The following ZNF286A variants were observed in gnomAD, a reference collection of about 807,000 sequenced individuals.
The protein encoded by ZNF286A is zinc finger protein 286A, also known as zinc finger protein ZNF286.
Under a neutral mutation model 49.3 loss-of-function variants are expected in ZNF286A, and 34 were observed. The ratio of observed to expected loss-of-function variants is 0.69; its 90% confidence interval spans 0.52 to 0.92. ZNF286A has a LOEUF of 0.92. ZNF286A is among the 40% of genes least tolerant of loss of function. The pLI is 0.00. For missense variants in ZNF286A, 462 were observed against 600.2 expected, an observed-to-expected ratio of 0.77 and a Z score of 2.41; for synonymous variants, 155 against 200.4, an observed-to-expected ratio of 0.77 and a Z score of 1.91.
At chr17:15,708,358 A>T (rs977778545) in intron 5 of ZNF286A, 111 bp downstream of exon 5, 28 of 738,276 alleles carry the variant, frequency 3.8e-5, no homozygotes, top group Middle Eastern at 2.6e-4. Flanking sequence ...AAATTTTTTT[A>T]AAATTCTAAA....
Position 15,719,562 on chromosome 17 carries a change from G to T in ZNF286A, c.*2272G>T, listed in dbSNP as rs545047837. ...GCACCTTTCACTGTGTCTTCACATG[G>T]TAGAAGGGGAGAGCTCTGGTATCTT... On this transcript the variant is annotated 3_prime_UTR_variant, in exon 6 of 6. Transcript: ENST00000583566. The T allele has an allele frequency of 6.6e-6, 1 of 152,060 alleles. No homozygotes were observed. Among genetic ancestry groups the T allele is most frequent in the East Asian group, 1.9e-4 (1 of 5,164 alleles). 9.4% of individuals were successfully genotyped at this position (152,060 alleles called of 1,614,324 possible). A position where few individuals can be genotyped will look rare whatever the true frequency, so the allele number is the denominator to read the frequency against.
chr17:15,717,208 G>T lies in ZNF286A; in HGVS notation c.1484G>T (p.Arg495Ile). 6 of 1,607,624 alleles carry T rather than the reference G, an allele frequency of 3.7e-6. No homozygotes were observed. The highest frequency in any genetic ancestry group is 5.1e-6 in the Non-Finnish European group (6 of 1,177,058). ...ACTCATACCGGAGAGAAACCCTTTA[G>T]ATGTAATGAGTGTGGGAAAAGCTTT... ...QRTHTGEKPF[R>I]CNECGKSFKC... Residue 495 changes from arginine to isoleucine, a missense_variant, in exon 6 of 6, where the codon AGA becomes ATA. By Grantham distance (97) the Arg-to-Ile change is moderately conservative. Transcript: ENST00000583566.
intron 5 of ZNF286A, among the ~76,000 whole-genome samples, chr17:15,715,784 T>C (rs1232787776): frequency 1.3e-5 from 2 of 152,222 alleles, no homozygotes; most frequent in East Asian, 1.9e-4. Flanking sequence ...TCTGCTCATC[T>C]GTGGATATAT....
In ZNF286A at chr17:15,718,347, T is replaced by TAAAGGAA. The variant is rs1967189836; in HGVS notation, c.*1057_*1058insAAAGGAA. On this transcript the variant is annotated 3_prime_UTR_variant, in exon 6 of 6. Transcript: ENST00000583566. ...AATGGGTCAAAATCTTAACAGTGGT[T>TAAAGGAA]GTTGATCAAGTCCTTCCTTTCTTAT... 6.7e-6 allele frequency: 1 copy of TAAAGGAA among 148,864 alleles called. No individual in the cohort carries two copies. The highest frequency in any genetic ancestry group is 2.5e-5 in the African/African-American group (1 of 40,016). 9.2% of individuals were successfully genotyped at this position (148,864 alleles called of 1,614,324 possible).
intron 3 of ZNF286A, among the ~76,000 whole-genome samples, chr17:15,702,996 G>C (rs1484555814): frequency 0.025 from 3,145 of 125,474 alleles, no homozygotes; most frequent in African/African-American, 0.053. Context: ...CAGAGAAAAA[G>C]GGCAGATTCT....
At position 15,716,501 on chromosome 17, in the gene ZNF286A, T is replaced by G; in HGVS notation, c.777T>G (p.Ile259Met). 3.7e-6 allele frequency: 6 copies of G among 1,614,138 alleles called. No homozygotes were observed. The highest frequency in any genetic ancestry group is 5.1e-6 in the Non-Finnish European group (6 of 1,180,006). Residue 259 changes from isoleucine (I) to methionine (M), a missense_variant, in exon 6 of 6, where the codon ATT becomes ATG. By Grantham distance (10) the Ile-to-Met change is conservative. Transcript: ENST00000583566. ...TCTTCACCTACCATTCAGTGCTTAT[T>G]CGACACCAGAGAGTCCATACTGGAG... ...GELFTYHSVLIRHQRVHTGEK... is the reference protein window; with the variant it reads ...GELFTYHSVLMRHQRVHTGEK...
intron 5 of ZNF286A, among the ~76,000 whole-genome samples, chr17:15,715,667 C>T (rs1967001705): frequency 6.6e-6 from 1 of 152,056 alleles, no homozygotes; most frequent in Admixed American, 6.5e-5. Flanking sequence ...ATTTAGAAGC[C>T]ATAACTGTAC....
At chr17:15,705,060 A>G (rs1313643308) in intron 3 of ZNF286A, among the ~76,000 whole-genome samples, 1 of 152,008 alleles carries the variant, frequency 6.6e-6, no homozygotes, top group African/African-American at 2.4e-5. Context: ...CGCACAGCGT[A>G]CACCAACCTG....
In ZNF286A at chr17:15,720,384, C is replaced by T. The variant is rs537535057; in HGVS notation, c.*3094C>T. 1 of 151,222 alleles carries T rather than the reference C, an allele frequency of 6.6e-6. No individual in the cohort carries two copies. Among genetic ancestry groups the T allele is most frequent in the South Asian group, 2.1e-4 (1 of 4,684 alleles). The allele number at this position is 151,222 out of a possible 1,614,324, so 9.4% of individuals were successfully genotyped here. A position where few individuals can be genotyped will look rare whatever the true frequency, so the allele number is the denominator to read the frequency against. On this transcript the variant is annotated 3_prime_UTR_variant, in exon 6 of 6. Transcript: ENST00000583566. ...TTGTTTACCCATGAAGAACTGTGAC[C>T]ATCTTGTTCTGTGTCTTGTCATAAA...
chr17:15,714,104 T>C (rs1966901038), intron 5 of ZNF286A, among the ~76,000 whole-genome samples: 1 of 152,090 alleles, frequency 6.6e-6, no homozygotes, highest in African/African-American at 2.4e-5. Flanking sequence ...ACCCTGAATA[T>C]TAAAAAGGCA....
Position 15,699,783 on chromosome 17 carries a change from T to A in ZNF286A, c.-196+6T>A, listed in dbSNP as rs1348143635. Reference sequence around the variant, plus strand: ...TGTGAGGCCCGGGATGGGAGGTGAGTTGCTTGTGGTGATGTCGCTCGTCTC... The same window carrying A: ...TGTGAGGCCCGGGATGGGAGGTGAGATGCTTGTGGTGATGTCGCTCGTCTC... On this transcript the variant is annotated splice_donor_region_variant and intron_variant, in intron 1 of 5. Transcript: ENST00000583566. 9 of 702,784 alleles carry A rather than the reference T, an allele frequency of 1.3e-5. No homozygotes were observed. The East Asian group carries it at 2.4e-4, about 19-fold the overall frequency. 43.5% of individuals were successfully genotyped at this position (702,784 alleles called of 1,614,324 possible). A position where few individuals can be genotyped will look rare whatever the true frequency, so the allele number is the denominator to read the frequency against.
rs1327912495 is a variant in ZNF286A at position 15,718,979 on chromosome 17, C to T, written c.*1689C>T. On this transcript the variant is annotated 3_prime_UTR_variant, in exon 6 of 6. Transcript: ENST00000583566. Reference sequence around the variant, plus strand: ...TTTATGCAACCAAATCTCATGAGAACTCTATCACGAGACAGCAGTAGGGGG... The same window carrying T: ...TTTATGCAACCAAATCTCATGAGAATTCTATCACGAGACAGCAGTAGGGGG... 8 of 128,480 alleles carry T rather than the reference C, an allele frequency of 6.2e-5. No individual in the cohort carries two copies. The highest frequency in any genetic ancestry group is 1.3e-4 in the Non-Finnish European group (8 of 61,478). The allele number at this position is 128,480 out of a possible 1,614,324, so 8.0% of individuals were successfully genotyped here. A position where few individuals can be genotyped will look rare whatever the true frequency, so the allele number is the denominator to read the frequency against.
intron 3 of ZNF286A, 145 bp from the exon 4 acceptor site, chr17:15,706,242 A>C: frequency 1.6e-6 from 1 of 633,960 alleles, no homozygotes; most frequent in South Asian, 1.9e-5. Context: ...TCCGAATCTG[A>C]CGACCATTAG....
Position 15,719,139 on chromosome 17 carries a change from A to T in ZNF286A, c.*1849A>T, listed in dbSNP as rs1597741622. The stretch of plus-strand genomic sequence containing the variant: ...ACAGATCTAAACTGTATCATTACTC[A>T]AAAAAAAAAAAAAAAAGAAAGAAAA... On this transcript the variant is annotated 3_prime_UTR_variant, in exon 6 of 6. Transcript: ENST00000583566. 1 of 41,816 alleles carries T rather than the reference A, an allele frequency of 2.4e-5. No individual in the cohort carries two copies. The highest frequency in any genetic ancestry group is 3.9e-5 in the Non-Finnish European group (1 of 25,412). The allele number at this position is 41,816 out of a possible 1,614,324, so 2.6% of individuals were successfully genotyped here.
chr17:15,708,038 A>C, intron 4 of ZNF286A, 117 bp from the exon 5 acceptor site: 1 of 536,832 alleles, frequency 1.9e-6, no homozygotes, highest in Admixed American at 4.3e-5. Flanking sequence ...AAAAAGAAAG[A>C]AAGTTGGAAT....
intron 3 of ZNF286A, 21 bp from the exon 4 acceptor site, chr17:15,706,366 A>C (rs1990225677): frequency 3.1e-6 from 5 of 1,604,840 alleles, no homozygotes; most frequent in Non-Finnish European, 4.3e-6. Flanking sequence ...AAGATGTTGA[A>C]AAAAATATTT....
intron 3 of ZNF286A, among the ~76,000 whole-genome samples, chr17:15,702,689 C>A (rs1485537978): frequency 1.3e-5 from 2 of 152,176 alleles, no homozygotes; most frequent in East Asian, 1.9e-4. Context: ...TATGTACTTG[C>A]CTGTCTCCAT....
At chr17:15,708,335 T>A in intron 5 of ZNF286A, 88 bp downstream of exon 5, 1 of 1,016,616 alleles carries the variant, frequency 9.8e-7, no homozygotes, top group East Asian at 2.9e-5. Context: ...AGTGCCTGTG[T>A]GCCCTTATTT....
chr17:15,711,719 G>A (rs912018984), intron 5 of ZNF286A, among the ~76,000 whole-genome samples: 2 of 152,086 alleles, frequency 1.3e-5, no homozygotes, highest in East Asian at 1.9e-4. Context: ...ACATGAATGG[G>A]TATGTTCCAG....
Sources: gnomAD v4.1 joint callset for allele counts (sites outside exome capture counted in the v4.1 genomes callset) on GRCh38, gnomAD v4.1.1 for gene constraint, MANE v1.5 for transcripts, NCBI Gene and HGNC (gene_info 2026-07-23, HGNC 2026-07-21) for gene names.